Variants in PTPRT observed in about 807,000 individuals in gnomAD.
The protein encoded by PTPRT is receptor-type tyrosine-protein phosphatase T.
A neutral mutation model predicts 176.8 loss-of-function variants in PTPRT; 56 were observed. The observed-to-expected ratio is 0.32, with a 90% CI of 0.26 to 0.40. PTPRT has a LOEUF of 0.40. Ranked by LOEUF, PTPRT falls within the 10% of genes least tolerant of loss-of-function variation. The probability of loss-of-function intolerance (pLI) is 1.00; values close to 1 mark genes in which losing one functional copy is unlikely to be tolerated. For synonymous variants in PTPRT, 783 were observed against 739.0 expected, an observed-to-expected ratio of 1.06 and a Z score of -0.96; for missense variants, 1,540 against 1,908.2, an observed-to-expected ratio of 0.81 and a Z score of 3.60.
chr20:42,935,906 A>T (rs1179793656), intron 1 of PTPRT, among the ~76,000 whole-genome samples: 3 of 152,116 alleles, frequency 2.0e-5, no homozygotes, highest in African/African-American at 7.2e-5. Context: ...GTGCCACCAC[A>T]TCTAGCTAAT....
chr20:42,771,271 A>G (rs1338057313), intron 5 of PTPRT, among the ~76,000 whole-genome samples, 164 bp downstream of exon 5: 2 of 152,096 alleles, frequency 1.3e-5, no homozygotes, highest in African/African-American at 4.8e-5. Context: ...TGGACCTATA[A>G]TTACCCCAGT....
chr20:42,669,136 G>A (rs1458105292), intron 7 of PTPRT, among the ~76,000 whole-genome samples: 7 of 152,208 alleles, frequency 4.6e-5, no homozygotes, highest in African/African-American at 1.4e-4. Context: ...AGAGAGTGCA[G>A]CAGCAGCAAA....
chr20:42,224,341 T>G (rs1379705010), intron 15 of PTPRT, among the ~76,000 whole-genome samples: 1 of 152,218 alleles, frequency 6.6e-6, no homozygotes, highest in Admixed American at 6.5e-5. Context: ...ATTTTTGCCC[T>G]TTATTAAATG....
intron 2 of PTPRT, among the ~76,000 whole-genome samples, chr20:42,848,982 A>G (rs1192373403): frequency 6.6e-6 from 1 of 152,112 alleles, no homozygotes; most frequent in African/African-American, 2.4e-5. Context: ...TTGTGAGTTG[A>G]TTTTTGTATA....
rs114303907 is a variant in PTPRT, at chr20:42,820,624, C to G, written c.215-29158G>C. On this transcript the variant is annotated intron_variant, in intron 2 of 30. Transcript: ENST00000373187. ...AAAAATCTCCAAATAATCAACAATGCAGAAGATGGTTTTTCGAAAAAATTA... is the reference window on the plus strand; with the variant it reads ...AAAAATCTCCAAATAATCAACAATGGAGAAGATGGTTTTTCGAAAAAATTA... 8.5e-3 allele frequency among the ~76,000 whole-genome samples: 1,290 copies of G among 151,920 alleles called. 26 individuals are homozygous for G. Among genetic ancestry groups the G allele is most frequent in the African/African-American group, 0.029 (1,199 of 41,412 alleles).
rs112410606 is a variant in PTPRT, at chr20:42,643,480, C to T, written c.1153+34386G>A. On this transcript the variant is annotated intron_variant, in intron 7 of 30. Transcript: ENST00000373187. ...AGGACTACAGGTACATGCCTCCACACTCAGCTATTTTTTTTTAATTGAGAC... is the reference window on the plus strand; with the variant it reads ...AGGACTACAGGTACATGCCTCCACATTCAGCTATTTTTTTTTAATTGAGAC... Among the ~76,000 whole-genome samples the T allele has an allele frequency of 3.8e-3, 584 of 152,062 alleles. 9 individuals are homozygous for T. Among genetic ancestry groups the T allele is most frequent in the African/African-American group, 0.014 (566 of 41,450 alleles).
chr20:42,445,412 A>G (rs2059353707), intron 9 of PTPRT, among the ~76,000 whole-genome samples: 1 of 152,174 alleles, frequency 6.6e-6, no homozygotes, highest in Admixed American at 6.5e-5. Context: ...CACTTGATGT[A>G]CTCAAGGTCA....
In PTPRT at chr20:42,161,400, G is replaced by T. The variant is rs779203935; in HGVS notation, c.2634C>A (p.Ile878=). 6.8e-6 allele frequency: 11 copies of T among 1,614,008 alleles called. No homozygotes were observed. In the East Asian group the frequency reaches 2.0e-4, roughly 29 times the overall value. Residue 878 remains isoleucine, a synonymous_variant, in exon 17 of 31, where the codon ATC becomes ATA. Coordinates refer to ENST00000373187, the MANE Select transcript of PTPRT (RefSeq NM_007050.6). ...AGCCCTGGCCTCTCTTCATCTGCGT[G>T]ATGTGCTGCAGCAAGTCAGCCACCC... ...AIRVADLLQH[I]TQMKRGQGYG...
At chr20:43,087,784 T>C (rs772307950) in intron 1 of PTPRT, among the ~76,000 whole-genome samples, 2 of 152,176 alleles carry the variant, frequency 1.3e-5, no homozygotes, top group Non-Finnish European at 2.9e-5. Flanking sequence ...CTCTAACCTA[T>C]GAGCTTTTAC....
intron 6 of PTPRT, among the ~76,000 whole-genome samples, chr20:42,698,917 C>G (rs1041089460): frequency 1.3e-5 from 2 of 152,188 alleles, no homozygotes; most frequent in African/African-American, 2.4e-5. Flanking sequence ...CTGCCTCTCC[C>G]TGACTTGGGA....
chr20:42,316,126 C>T (rs1600824853), intron 11 of PTPRT, 130 bp from the exon 12 acceptor site: 5 of 1,035,116 alleles, frequency 4.8e-6, no homozygotes, highest in Non-Finnish European at 6.9e-6. Context: ...AACTCCAGTC[C>T]TGAGCATCAG....
intron 12 of PTPRT, among the ~76,000 whole-genome samples, chr20:42,291,490 A>G (rs1016128575): frequency 1.3e-5 from 2 of 152,162 alleles, no homozygotes; most frequent in African/African-American, 2.4e-5. Context: ...AGTACAGTAA[A>G]CTAAATGAGG....
chr20:42,104,301 T>G (rs1378720663), intron 25 of PTPRT, among the ~76,000 whole-genome samples: 1 of 152,098 alleles, frequency 6.6e-6, no homozygotes, highest in East Asian at 1.9e-4. Context: ...AGATCCTATC[T>G]CTATAAAAAG....
intron 16 of PTPRT, among the ~76,000 whole-genome samples, chr20:42,183,235 T>C (rs1002996800): frequency 6.6e-6 from 1 of 152,154 alleles, no homozygotes; most frequent in African/African-American, 2.4e-5. Flanking sequence ...CCTATGGTTC[T>C]AATATTTCAA....
chr20:42,099,611 C>G (rs1985725196), intron 26 of PTPRT, among the ~76,000 whole-genome samples: 1 of 150,292 alleles, frequency 6.7e-6, no homozygotes, highest in African/African-American at 2.5e-5. Context: ...TCTCCCCACC[C>G]TGAAGTCATG....
chr20:42,090,455 C>T (rs73271447), intron 27 of PTPRT, among the ~76,000 whole-genome samples: 18,788 of 151,778 alleles, frequency 0.12, 3,077 homozygotes, highest in African/African-American at 0.38. Flanking sequence ...GTTGAGATCA[C>T]TGTAGAAGCA....
intron 15 of PTPRT, among the ~76,000 whole-genome samples, chr20:42,215,420 T>G (rs2055745341): frequency 6.6e-6 from 1 of 152,254 alleles, no homozygotes; most frequent in South Asian, 2.1e-4. Context: ...CCTAGCATGG[T>G]CTTTGGCATA....
At chr20:42,906,824 G>C (rs2079484749) in intron 1 of PTPRT, among the ~76,000 whole-genome samples, 1 of 152,008 alleles carries the variant, frequency 6.6e-6, no homozygotes, top group African/African-American at 2.4e-5. Context: ...ATTTTAAAAT[G>C]CAAATGACAG....
intron 15 of PTPRT, among the ~76,000 whole-genome samples, chr20:42,227,590 G>A (rs2056043837): frequency 7.1e-6 from 1 of 140,764 alleles, no homozygotes; most frequent in Non-Finnish European, 1.5e-5. Context: ...AATGGGGAAA[G>A]TCCCTCATTG....
Sources: allele counts gnomAD v4.1 joint callset (sites outside exome capture counted in the v4.1 genomes callset), GRCh38; gene constraint gnomAD v4.1.1; transcripts MANE v1.5; gene names NCBI Gene and HGNC (gene_info 2026-07-23, HGNC 2026-07-21).